CNTN4: variants seen among roughly 807,000 people sequenced by gnomAD.
CNTN4 encodes contactin 4.
CNTN4 carries 77 observed loss-of-function variants against 122.5 expected under a neutral mutation model. The ratio of observed to expected loss-of-function variants is 0.63; its 90% CI spans 0.52 to 0.76. The LOEUF is 0.76. Ranked by LOEUF, CNTN4 falls within the 30% of genes least tolerant of loss-of-function variation. The probability of loss-of-function intolerance (pLI) is 0.00; values close to 1 mark genes in which losing one functional copy is unlikely to be tolerated. For missense variants in CNTN4, 1,256 were observed against 1,259.1 expected (o/e 1.00, Z 0.04); for synonymous variants, 512 against 447.0 (o/e 1.15, Z -1.83).
intron 2 of CNTN4, among the ~76,000 whole-genome samples, chr3:2,192,266 A>T (rs180963635): frequency 6.3e-4 from 96 of 152,178 alleles, no homozygotes; most frequent in Admixed American, 1.4e-3. Flanking sequence ...GGCTGGGTCA[A>T]ATGGTATTTC....
intron 6 of CNTN4, among the ~76,000 whole-genome samples, chr3:2,764,123 C>G (rs2090728977): frequency 6.6e-6 from 1 of 152,190 alleles, no homozygotes; most frequent in South Asian, 2.1e-4. Context: ...TGAGTGCCTA[C>G]TCTGTGCTGG....
chr3:2,927,538 A>G, intron 13 of CNTN4: 1 of 280,366 alleles, frequency 3.6e-6, no homozygotes, highest in African/African-American at 2.2e-5. Context: ...GAAAAGAGAC[A>G]ACCTAATATT....
chr3:2,471,520 A>C (rs932602539), intron 3 of CNTN4, among the ~76,000 whole-genome samples: 8 of 152,076 alleles, frequency 5.3e-5, no homozygotes, highest in African/African-American at 1.9e-4. Flanking sequence ...TTCTCTTTTT[A>C]ATGGGGAAAA....
intron 2 of CNTN4, among the ~76,000 whole-genome samples, chr3:2,149,262 C>T (rs1031725952): frequency 2.6e-5 from 4 of 152,062 alleles, no homozygotes; most frequent in African/African-American, 4.8e-5. Flanking sequence ...GTAGAAATCC[C>T]GTGACCATAC....
intron 2 of CNTN4, among the ~76,000 whole-genome samples, chr3:2,219,632 A>C (rs1223578112): frequency 6.6e-6 from 1 of 152,266 alleles, no homozygotes; most frequent in South Asian, 2.1e-4. Flanking sequence ...TTAGGCTCAT[A>C]TCTACAATAA....
intron 3 of CNTN4, among the ~76,000 whole-genome samples, chr3:2,472,045 A>G (rs1302673387): frequency 6.6e-6 from 1 of 151,746 alleles, no homozygotes; most frequent in Non-Finnish European, 1.5e-5. Context: ...CCGAAACCCC[A>G]TCTCTACTAA....
chr3:3,052,787 C>T (rs970890967), intron 23 of CNTN4, among the ~76,000 whole-genome samples: 13 of 152,184 alleles, frequency 8.5e-5, no homozygotes, highest in African/African-American at 3.1e-4. Flanking sequence ...TGCCTCTTGG[C>T]TACCTAGCCC....
chr3:2,916,409 G>T (rs7626592), intron 12 of CNTN4, among the ~76,000 whole-genome samples: 15 of 146,722 alleles, frequency 1.0e-4, no homozygotes, highest in Middle Eastern at 3.4e-3. Context: ...TGACTGTTAA[G>T]GAGCATGCTG....
intron 4 of CNTN4, among the ~76,000 whole-genome samples, chr3:2,705,877 T>TGTATATATATATTATATA (rs2086690726): frequency 3.2e-5 from 2 of 62,128 alleles, no homozygotes; most frequent in South Asian, 1.2e-3. Context: ...ATAATATATA[T>TGTATATATATATTATATA]TTTTTATATA....
chr3:2,462,429 A>C (rs74784938), intron 3 of CNTN4, among the ~76,000 whole-genome samples: 486 of 152,332 alleles, frequency 3.2e-3, no homozygotes, highest in Non-Finnish European at 5.7e-3. Flanking sequence ...GGAGAAAATC[A>C]TAAAAGTAGC....
intron 2 of CNTN4, among the ~76,000 whole-genome samples, chr3:2,169,314 T>C (rs1377261213): frequency 1.3e-5 from 2 of 152,130 alleles, no homozygotes; most frequent in Non-Finnish European, 2.9e-5. Context: ...AAAAGATAAA[T>C]TCCACATCTC....
At position 2,695,395 on chromosome 3, in the gene CNTN4, A is replaced by G. The variant is rs74621092; in HGVS notation, c.56-40820A>G. On this transcript the variant is annotated intron_variant, in intron 4 of 24. Coordinates refer to ENST00000418658, the MANE Select transcript of CNTN4 (RefSeq NM_175607.3). ...GCACAGCACCTTTTCAGTATTGAAG[A>G]TTTACATTACACACCCTACCCCCAA... Among the ~76,000 whole-genome samples, 141 of 152,300 alleles carry G rather than the reference A, an allele frequency of 9.3e-4. No homozygotes were observed. The East Asian group carries it at 0.025, about 27-fold the overall frequency.
At chr3:2,683,504 A>G (rs1031038198) in intron 4 of CNTN4, among the ~76,000 whole-genome samples, 2 of 152,170 alleles carry the variant, frequency 1.3e-5, no homozygotes, top group African/African-American at 4.8e-5. Flanking sequence ...TGAAGTTGAA[A>G]TGAGTTAATG....
chr3:2,499,463 A>T, intron 3 of CNTN4, among the ~76,000 whole-genome samples: 1 of 152,306 alleles, frequency 6.6e-6, no homozygotes, highest in East Asian at 1.9e-4. Context: ...GAATTTACTA[A>T]ATTGTATATC....
intron 6 of CNTN4, among the ~76,000 whole-genome samples, chr3:2,759,288 T>G (rs1576683028): frequency 6.6e-6 from 1 of 152,170 alleles, no homozygotes; most frequent in South Asian, 2.1e-4. Flanking sequence ...CCTGAGTAGC[T>G]GGGATTACAG....
intron 6 of CNTN4, among the ~76,000 whole-genome samples, chr3:2,759,999 C>T (rs989317598): frequency 6.6e-6 from 1 of 152,108 alleles, no homozygotes; most frequent in Non-Finnish European, 1.5e-5. Context: ...CTATTCAAAT[C>T]CTTTGCTCAT....
intron 3 of CNTN4, 88 bp from the exon 4 acceptor site, chr3:2,571,328 T>C (rs2079411260): frequency 1.6e-6 from 1 of 644,146 alleles, no homozygotes; most frequent in Non-Finnish European, 2.8e-6. Flanking sequence ...CAAGTGAGTT[T>C]TATTGATATT....
chr3:2,471,667 T>TATTTGGAATAC (rs2075688949), intron 3 of CNTN4, among the ~76,000 whole-genome samples: 2 of 152,204 alleles, frequency 1.3e-5, no homozygotes, highest in Non-Finnish European at 2.9e-5. Context: ...CAGAGGTGCA[T>TATTTGGAATAC]TGGTTCACAG....
intron 3 of CNTN4, among the ~76,000 whole-genome samples, chr3:2,356,530 G>C (rs1575449165): frequency 6.6e-6 from 1 of 152,176 alleles, no homozygotes; most frequent in Non-Finnish European, 1.5e-5. Context: ...AGGACAACCA[G>C]AGGTCACTCT....
Sources: allele counts gnomAD v4.1 joint callset (sites outside exome capture counted in the v4.1 genomes callset), GRCh38; gene constraint gnomAD v4.1.1; transcripts MANE v1.5; gene names NCBI Gene and HGNC (gene_info 2026-07-23, HGNC 2026-07-21).